Variants in CNBD1 observed in about 807,000 individuals in gnomAD.
The protein encoded by CNBD1 is cyclic nucleotide-binding domain-containing protein 1.
A neutral mutation model predicts 54.4 loss-of-function variants in CNBD1; 71 were observed. That is an observed-to-expected ratio of 1.30 (90% CI 1.08 to 1.59). The LOEUF is 1.59. Among genes scored for constraint, CNBD1 ranks in the 40% most tolerant of loss-of-function variants. The pLI, the probability that CNBD1 is intolerant of heterozygous loss-of-function variation, is 0.00. For synonymous variants in CNBD1, 182 were observed against 170.7 expected (o/e 1.07, Z -0.51); for missense variants, 659 against 518.0 (o/e 1.27, Z -2.64).
At chr8:87,010,123 A>C (rs1380914104) in intron 4 of CNBD1, among the ~76,000 whole-genome samples, 1 of 152,162 alleles carries the variant, frequency 6.6e-6, no homozygotes, top group Non-Finnish European at 1.5e-5. Flanking sequence ...CAAGTTAATA[A>C]AATTCAATGA....
intron 8 of CNBD1, among the ~76,000 whole-genome samples, chr8:87,343,543 G>T (rs552888029): frequency 1.3e-5 from 2 of 152,282 alleles, no homozygotes; most frequent in African/African-American, 4.8e-5. Flanking sequence ...TATAAAACAT[G>T]TAACTTATAA....
At chr8:87,084,405 A>G (rs1249895143) in intron 4 of CNBD1, among the ~76,000 whole-genome samples, 2 of 152,144 alleles carry the variant, frequency 1.3e-5, no homozygotes, top group African/African-American at 4.8e-5. Flanking sequence ...ATCTGAAATT[A>G]TGTTTAACCT....
At chr8:87,272,344 G>A (rs11779467) in intron 6 of CNBD1, among the ~76,000 whole-genome samples, 42,778 of 151,798 alleles carry the variant, frequency 0.28, 6,477 homozygotes, top group African/African-American at 0.39. Context: ...AAAAATATGT[G>A]CATCTAATAT....
chr8:87,384,571 G>A (rs1811147141), downstream of CNBD1, among the ~76,000 whole-genome samples: 1 of 152,096 alleles, frequency 6.6e-6, no homozygotes, highest in Admixed American at 6.6e-5. Flanking sequence ...AAATTAAACT[G>A]CATAAAGTCT....
At chr8:86,933,061 C>A (rs1438590944) in intron 3 of CNBD1, among the ~76,000 whole-genome samples, 1 of 152,058 alleles carries the variant, frequency 6.6e-6, no homozygotes, top group Non-Finnish European at 1.5e-5. Context: ...GAGTGGAGGG[C>A]CATACCCTGA....
intron 2 of CNBD1, among the ~76,000 whole-genome samples, chr8:87,425,198 T>G (rs1808023648): frequency 6.6e-6 from 1 of 152,174 alleles, no homozygotes; most frequent in Non-Finnish European, 1.5e-5. Flanking sequence ...TTCTCTGTAT[T>G]GGTTATTCTA....
At chr8:86,959,252 C>G (rs112218767) in intron 4 of CNBD1, among the ~76,000 whole-genome samples, 1 of 152,134 alleles carries the variant, frequency 6.6e-6, no homozygotes, top group Non-Finnish European at 1.5e-5. Context: ...TTGTGGGTAA[C>G]CCAACCTTTC....
intron 4 of CNBD1, among the ~76,000 whole-genome samples, chr8:87,120,851 T>C (rs1811875226): frequency 6.6e-6 from 1 of 152,008 alleles, no homozygotes; most frequent in Admixed American, 6.5e-5. Context: ...TGAGAGCTAT[T>C]AGTCTCTATT....
chr8:87,383,188 G>A (rs532012297), downstream of CNBD1, among the ~76,000 whole-genome samples: 2 of 152,072 alleles, frequency 1.3e-5, no homozygotes, highest in Admixed American at 6.6e-5. Context: ...TTTCCTTGAT[G>A]TGATTATATT....
intron 1 of CNBD1, among the ~76,000 whole-genome samples, chr8:86,879,173 TAG>T (rs1444072640): frequency 5.3e-5 from 8 of 152,134 alleles, no homozygotes; most frequent in Admixed American, 2.0e-4. Context: ...CCTGACAAAT[TAG>T]AGTCACATTA....
intron 4 of CNBD1, among the ~76,000 whole-genome samples, chr8:87,141,923 T>C (rs1812378157): frequency 6.6e-6 from 1 of 152,158 alleles, no homozygotes; most frequent in Non-Finnish European, 1.5e-5. Context: ...ATTTATACTG[T>C]AATTATTTCT....
intron 6 of CNBD1, among the ~76,000 whole-genome samples, chr8:87,246,898 C>T (rs1305975910): frequency 6.6e-6 from 1 of 152,018 alleles, no homozygotes; most frequent in Non-Finnish European, 1.5e-5. Flanking sequence ...TACAACTCAT[C>T]ATAATGTAGA....
intron 4 of CNBD1, among the ~76,000 whole-genome samples, chr8:86,943,832 G>A (rs1402450013): frequency 6.6e-6 from 1 of 152,116 alleles, no homozygotes; most frequent in Admixed American, 6.6e-5. Context: ...AGGGGGGACA[G>A]ATGGAAGAAT....
At chr8:87,136,269 G>C (rs1812224475) in intron 4 of CNBD1, among the ~76,000 whole-genome samples, 1 of 151,596 alleles carries the variant, frequency 6.6e-6, no homozygotes, top group Non-Finnish European at 1.5e-5. Flanking sequence ...TTACATCTCA[G>C]TGACTCCATA....
rs767899513 is a variant in CNBD1, at chr8:86,939,587, C to A, written c.273-9C>A. ...ACAACAGCATAAAATACTATATTTT[C>A]TTGTTCAGGGAACTCAATGAAGGCA... is the stretch of plus-strand genomic sequence containing the variant. On this transcript the variant is annotated splice_polypyrimidine_tract_variant and intron_variant, in intron 3 of 10. Transcript: ENST00000518476. The A allele has an allele frequency of 1.3e-5, 20 of 1,560,778 alleles. No individual in the cohort carries two copies. The highest frequency in any genetic ancestry group is 1.6e-5 in the Non-Finnish European group (19 of 1,156,372).
Position 87,377,103 on chromosome 8 carries a change from T to C in CNBD1, c.1304-5517T>C, listed in dbSNP as rs535297881. 1.5e-4 allele frequency among the ~76,000 whole-genome samples: 22 copies of C among 149,432 alleles called. No individual in the cohort carries two copies. The South Asian group carries it at 4.6e-3, about 31-fold the overall frequency. ...TTTATTTTATTTCTTATTTTTATTT[T>C]TCGCAGATAATTTTTGTAATTTTAT... On this transcript the variant is annotated intron_variant, in intron 10 of 10. Transcript: ENST00000518476.
Position 87,106,682 on chromosome 8 carries a change from T to C in CNBD1, c.432-99311T>C, listed in dbSNP as rs113655947. ...CCTCCTTCCTATCTTTGAGCTTCCA[T>C]GATAAGAATACAAACCACACTTAAC... On this transcript the variant is annotated intron_variant, in intron 4 of 10. Coordinates refer to ENST00000518476, the MANE Select transcript of CNBD1 (RefSeq NM_173538.3). Among the ~76,000 whole-genome samples, 13 of 152,322 alleles carry C rather than the reference T, an allele frequency of 8.5e-5. 1 individual carries two copies. Among genetic ancestry groups the C allele is most frequent in the African/African-American group, 2.9e-4 (12 of 41,568 alleles).
chr8:87,388,343 T>A (rs1811235370), intron 2 of CNBD1, among the ~76,000 whole-genome samples: 1 of 147,962 alleles, frequency 6.8e-6, no homozygotes, highest in Admixed American at 6.7e-5. Flanking sequence ...TCAACGAAAT[T>A]GATAGACCGC....
At chr8:87,188,376 T>C (rs1291851664) in intron 4 of CNBD1, among the ~76,000 whole-genome samples, 1 of 152,186 alleles carries the variant, frequency 6.6e-6, no homozygotes, top group Non-Finnish European at 1.5e-5. Context: ...CTTTGTTATA[T>C]GCCAGTGTTT....
Sources: allele counts gnomAD v4.1 joint callset (sites outside exome capture counted in the v4.1 genomes callset), GRCh38; gene constraint gnomAD v4.1.1; transcripts MANE v1.5; gene names NCBI Gene and HGNC (gene_info 2026-07-23, HGNC 2026-07-21).